Variants in KALRN observed in about 807,000 individuals in gnomAD.
KALRN encodes the protein kalirin.
Under a neutral mutation model 353.7 loss-of-function variants are expected in KALRN, and 70 were observed. The observed-to-expected ratio is 0.20, with a 90% CI of 0.16 to 0.24. The LOEUF is 0.24. Ranked by LOEUF, KALRN falls within the 10% of genes least tolerant of loss-of-function variation. The pLI, the probability that KALRN is intolerant of heterozygous loss-of-function variation, is 1.00. For missense variants in KALRN, 2,791 were observed against 3,756.7 expected (o/e 0.74, Z 6.72); for synonymous variants, 1,391 against 1,434.8 (o/e 0.97, Z 0.69).
chr3:124,257,030 G>A (rs969532628), intron 3 of KALRN, among the ~76,000 whole-genome samples: 4 of 152,218 alleles, frequency 2.6e-5, no homozygotes, highest in African/African-American at 9.6e-5. Flanking sequence ...ATCCTTCCAA[G>A]CCTATTCTTG....
chr3:124,111,785 A>G (rs1323048922), intron 1 of KALRN, among the ~76,000 whole-genome samples: 4 of 152,188 alleles, frequency 2.6e-5, no homozygotes, highest in Non-Finnish European at 5.9e-5. Flanking sequence ...AAATATAATA[A>G]ATTTATTTAA....
At chr3:124,121,093 CAAAAAA>C (rs35883031) in intron 1 of KALRN, among the ~76,000 whole-genome samples, 2,268 of 75,096 alleles carry the variant, frequency 0.03, 64 homozygotes, top group African/African-American at 0.11. Flanking sequence ...GACTCCATCT[CAAAAAA>C]AAAAAAAAAA....
At chr3:124,094,718 T>C (rs2061323961) in intron 1 of KALRN, 1 of 815,214 alleles carries the variant, frequency 1.2e-6, no homozygotes. Context: ...CAGGCAGGCA[T>C]TTGCTTAGAG....
chr3:124,059,565 GA>G (rs1398369848), intron 1 of KALRN, among the ~76,000 whole-genome samples: 1 of 152,028 alleles, frequency 6.6e-6, no homozygotes, highest in African/African-American at 2.4e-5. Context: ...ATCTCCCCAA[GA>G]AAAGTACTTT....
intron 1 of KALRN, among the ~76,000 whole-genome samples, chr3:124,115,717 G>A (rs1179697283): frequency 6.6e-6 from 1 of 152,118 alleles, no homozygotes; most frequent in African/African-American, 2.4e-5. Flanking sequence ...GTCGAGCAAC[G>A]GCAGCTTGTG....
At chr3:124,396,275 A>C (rs1367278063) in intron 12 of KALRN, among the ~76,000 whole-genome samples, 1 of 152,112 alleles carries the variant, frequency 6.6e-6, no homozygotes, top group Non-Finnish European at 1.5e-5. Flanking sequence ...CACCCATACC[A>C]GTTGTCCAAT....
chr3:124,631,732 G>A (rs917965546), intron 34 of KALRN, among the ~76,000 whole-genome samples: 2 of 152,178 alleles, frequency 1.3e-5, no homozygotes, highest in African/African-American at 4.8e-5. Flanking sequence ...AAGCCAGATT[G>A]AATCACTCTG....
Position 124,710,311 on chromosome 3 carries a change from T to C in KALRN, c.8076-2624T>C, listed in dbSNP as rs115917223. Among the ~76,000 whole-genome samples the C allele has an allele frequency of 3.2e-3, 492 of 152,258 alleles. 4 individuals carry two copies. Among genetic ancestry groups the C allele is most frequent in the African/African-American group, 0.011 (461 of 41,530 alleles). On this transcript the variant is annotated intron_variant, in intron 57 of 59. Coordinates refer to ENST00000682506, the MANE Select transcript of KALRN (RefSeq NM_001388419.1). ...CTATTGGGAAGACAGTGGTTGGGGATAGTAGTTATGTGGCAGGGACAGAGG... is the reference window on the plus strand; with the variant it reads ...CTATTGGGAAGACAGTGGTTGGGGACAGTAGTTATGTGGCAGGGACAGAGG...
chr3:124,417,894 G>A (rs1416171914), intron 14 of KALRN, among the ~76,000 whole-genome samples: 1 of 152,220 alleles, frequency 6.6e-6, no homozygotes, highest in Admixed American at 6.5e-5. Flanking sequence ...TCTAGCACAT[G>A]CTGCATTCTG....
At position 124,632,713 on chromosome 3, in the gene KALRN, G is replaced by T; in HGVS notation, c.5466+10G>T. ...AGACAGCGCTGATGAGGTACTTACAGGGGGCCCTGGAGTTGTCCATCAGGA... is the reference window on the plus strand; with the variant it reads ...AGACAGCGCTGATGAGGTACTTACATGGGGCCCTGGAGTTGTCCATCAGGA... On this transcript the variant is annotated intron_variant, in intron 35 of 59. Coordinates refer to ENST00000682506, the MANE Select transcript of KALRN (RefSeq NM_001388419.1). 6.2e-7 allele frequency: 1 copy of T among 1,611,718 alleles called. No individual in the cohort carries two copies. Among genetic ancestry groups the T allele is most frequent in the Non-Finnish European group, 8.5e-7 (1 of 1,178,456 alleles).
chr3:124,620,853 A>G (rs1022739417), intron 34 of KALRN, among the ~76,000 whole-genome samples: 1 of 152,240 alleles, frequency 6.6e-6, no homozygotes, highest in African/African-American at 2.4e-5. Context: ...GAGGTCGAGG[A>G]GACCTTGAGG....
At chr3:124,571,882 C>T (rs2110063765) in intron 34 of KALRN, among the ~76,000 whole-genome samples, 1 of 151,720 alleles carries the variant, frequency 6.6e-6, no homozygotes, top group South Asian at 2.1e-4. Context: ...CCTGCCTTGG[C>T]CTACCAAAGT....
chr3:124,659,448 G>T lies in KALRN; in HGVS notation c.6207G>T (p.Leu2069Phe), dbSNP rs2150203886. ...KPIQRITKYQ[L>F]LLKDFLRYSE... is the part of the protein sequence containing the mutation. ...TTCAGAGAATAACAAAATACCAGTT[G>T]CTCCTCAAGGTAAGAAGCTGGGAGC... Residue 2069 changes from leucine to phenylalanine, a missense_variant, in exon 43 of 60, where the codon TTG becomes TTT. Physicochemically the swap from Leu to Phe is conservative, Grantham distance 22 (BLOSUM62 0). Around this residue, in one of 11 missense-constraint regions of KALRN, gnomAD observed 1,065 missense variants for 1,156.4 expected, o/e 0.92. Coordinates refer to ENST00000682506, the MANE Select transcript of KALRN (RefSeq NM_001388419.1). The T allele has an allele frequency of 1.2e-6, 2 of 1,610,050 alleles. No individual in the cohort carries two copies. Among genetic ancestry groups the T allele is most frequent in the Non-Finnish European group, 1.7e-6 (2 of 1,176,332 alleles).
chr3:124,624,255 C>T (rs549614258), intron 34 of KALRN, among the ~76,000 whole-genome samples: 5 of 152,136 alleles, frequency 3.3e-5, no homozygotes, highest in Non-Finnish European at 5.9e-5. Context: ...GCAGTGCTTG[C>T]GTTCAAGTTA....
chr3:124,442,364 A>G (rs985440568), intron 19 of KALRN, among the ~76,000 whole-genome samples: 3 of 152,224 alleles, frequency 2.0e-5, no homozygotes, highest in Non-Finnish European at 4.4e-5. Flanking sequence ...ACGCTGTGCA[A>G]TACAGCAGCT....
chr3:124,364,571 G>C (rs2084426828), intron 10 of KALRN, among the ~76,000 whole-genome samples: 2 of 152,204 alleles, frequency 1.3e-5, no homozygotes, highest in Non-Finnish European at 2.9e-5. Context: ...ATGGCCCTGG[G>C]TTTTGGCCGA....
chr3:124,528,328 G>A (rs2067760632), intron 33 of KALRN, among the ~76,000 whole-genome samples: 1 of 152,326 alleles, frequency 6.6e-6, no homozygotes, highest in African/African-American at 2.4e-5. Flanking sequence ...TTCATATAGA[G>A]TATACCTATT....
intron 13 of KALRN, chr3:124,410,368 A>G (rs2092042461): frequency 8.8e-6 from 4 of 452,984 alleles, no homozygotes; most frequent in African/African-American, 8.1e-5. Context: ...TCTTAGTTTT[A>G]TTCTAATTCC....
intron 3 of KALRN, among the ~76,000 whole-genome samples, chr3:124,254,456 G>A (rs1307686128): frequency 7.1e-6 from 1 of 141,300 alleles, no homozygotes; most frequent in South Asian, 2.3e-4. Flanking sequence ...AAAAATTGTA[G>A]TTTTATGCAC....
Sources: gnomAD v4.1 joint callset for allele counts (sites outside exome capture counted in the v4.1 genomes callset) on GRCh38, gnomAD v4.1.1 for gene constraint, gnomAD v4.1.1 regional missense constraint, MANE v1.5 for transcripts, NCBI Gene and HGNC (gene_info 2026-07-23, HGNC 2026-07-21) for gene names.